ARID1B: variants seen among roughly 807,000 people sequenced by gnomAD.
The protein encoded by ARID1B is AT-rich interaction domain 1B, also known as AT-rich interactive domain-containing protein 1B.
Under a neutral mutation model 212.3 loss-of-function variants are expected in ARID1B, and 30 were observed. That is an observed-to-expected ratio of 0.14 (90% CI 0.11 to 0.19). The LOEUF (loss-of-function observed/expected upper bound fraction) is 0.19, where lower values mean the gene tolerates loss of function less well. ARID1B is among the 10% of genes least tolerant of loss of function. ARID1B has a pLI of 1.00. For synonymous variants in ARID1B, 1,402 were observed against 1,301.7 expected, an observed-to-expected ratio of 1.08 and a Z score of -1.66; for missense variants, 2,891 against 3,204.0, an observed-to-expected ratio of 0.90 and a Z score of 2.36.
chr6:156,813,075 C>T (rs185958187), intron 1 of ARID1B, among the ~76,000 whole-genome samples: 95 of 132,376 alleles, frequency 7.2e-4, no homozygotes, highest in Middle Eastern at 4.1e-3. Flanking sequence ...TATATATACA[C>T]ACATACGTAT....
intron 4 of ARID1B, among the ~76,000 whole-genome samples, chr6:157,065,443 C>T (rs554767196): frequency 5.7e-4 from 86 of 152,056 alleles, no homozygotes; most frequent in Non-Finnish European, 1.0e-3. Context: ...ATTAAAAAAC[C>T]GTCTCTAATT....
intron 7 of ARID1B, among the ~76,000 whole-genome samples, chr6:157,143,111 G>T (rs1413385851): frequency 1.3e-5 from 2 of 152,162 alleles, no homozygotes; most frequent in Non-Finnish European, 2.9e-5. Context: ...GGAACTCCTG[G>T]TGGGTAGAAA....
chr6:156,855,015 C>G (rs755655252), intron 2 of ARID1B, among the ~76,000 whole-genome samples: 2 of 152,002 alleles, frequency 1.3e-5, no homozygotes, highest in Admixed American at 6.6e-5. Context: ...ACTATGAGTT[C>G]GGGGCAGTTG....
intron 1 of ARID1B, among the ~76,000 whole-genome samples, chr6:156,813,731 G>A (rs1476463959): frequency 1.3e-5 from 2 of 152,208 alleles, no homozygotes; most frequent in African/African-American, 4.8e-5. Context: ...CACTTAAGGA[G>A]TGACCCTAGA....
intron 2 of ARID1B, among the ~76,000 whole-genome samples, chr6:156,869,554 A>C (rs567971850): frequency 2.6e-5 from 4 of 152,372 alleles, no homozygotes; most frequent in African/African-American, 9.6e-5. Flanking sequence ...GTTTTCAGGA[A>C]GTCTCAGTGA....
chr6:157,071,850 TG>T (rs1784024682), intron 4 of ARID1B: 1 of 152,236 alleles, frequency 6.6e-6, no homozygotes, highest in African/African-American at 2.4e-5. Flanking sequence ...GTTGTTAGAC[TG>T]GGGCTGTTAT....
intron 3 of ARID1B, among the ~76,000 whole-genome samples, chr6:156,904,623 C>A (rs535574015): frequency 1.3e-5 from 2 of 152,246 alleles, no homozygotes; most frequent in South Asian, 4.1e-4. Context: ...AGTAGCATGG[C>A]TTTACAAAGC....
intron 5 of ARID1B, among the ~76,000 whole-genome samples, chr6:157,097,562 A>G (rs1036734581): frequency 6.6e-6 from 1 of 152,186 alleles, no homozygotes; most frequent in African/African-American, 2.4e-5. Flanking sequence ...CTCATAGCCA[A>G]CCACCCATGT....
intron 1 of ARID1B, among the ~76,000 whole-genome samples, chr6:156,786,261 C>G (rs1030855632): frequency 5.3e-5 from 8 of 152,064 alleles, no homozygotes; most frequent in African/African-American, 1.9e-4. Flanking sequence ...AGAGCAAACC[C>G]AGAGTCTAGG....
intron 7 of ARID1B, among the ~76,000 whole-genome samples, chr6:157,143,980 T>G (rs1019874917): frequency 6.6e-6 from 1 of 152,250 alleles, no homozygotes; most frequent in African/African-American, 2.4e-5. Flanking sequence ...CACGCGTGTC[T>G]TGGTGTGCAT....
intron 2 of ARID1B, among the ~76,000 whole-genome samples, chr6:156,857,304 AAG>A (rs950850879): frequency 6.6e-6 from 1 of 152,208 alleles, no homozygotes; most frequent in African/African-American, 2.4e-5. Flanking sequence ...CCGCAATTTC[AAG>A]AGAGTGTCAG....
chr6:156,999,189 A>G (rs1778775291), intron 4 of ARID1B, among the ~76,000 whole-genome samples: 2 of 152,172 alleles, frequency 1.3e-5, no homozygotes, highest in South Asian at 4.1e-4. Context: ...CAGTGTAGGA[A>G]TTTACTGTAA....
intron 4 of ARID1B, chr6:156,937,162 G>A (rs922937305): frequency 6.6e-6 from 1 of 151,930 alleles, no homozygotes; most frequent in African/African-American, 2.4e-5. Context: ...TAAACTTTCT[G>A]TAGCAGATAG....
chr6:157,051,087 A>G (rs1167193456), intron 4 of ARID1B, among the ~76,000 whole-genome samples: 2 of 152,210 alleles, frequency 1.3e-5, no homozygotes, highest in Non-Finnish European at 2.9e-5. Context: ...TCGCCCAATT[A>G]TGCTGTGATT....
At chr6:157,143,774 G>T (rs550088509) in intron 7 of ARID1B, among the ~76,000 whole-genome samples, 4 of 152,312 alleles carry the variant, frequency 2.6e-5, no homozygotes, top group East Asian at 3.9e-4. Context: ...GTCCAGGCAC[G>T]TGAGTCTAAT....
At chr6:156,992,492 TG>T (rs1562533707) in intron 4 of ARID1B, among the ~76,000 whole-genome samples, 1 of 152,252 alleles carries the variant, frequency 6.6e-6, no homozygotes, top group Non-Finnish European at 1.5e-5. Context: ...CTAAGATATG[TG>T]TTTTCAGTGT....
At chr6:156,854,623 A>C (rs1487430428) in intron 2 of ARID1B, among the ~76,000 whole-genome samples, 1 of 152,248 alleles carries the variant, frequency 6.6e-6, no homozygotes, top group Non-Finnish European at 1.5e-5. Context: ...CACAGTGCTT[A>C]CAGCCTGCTG....
intron 1 of ARID1B, among the ~76,000 whole-genome samples, chr6:156,783,593 A>G (rs1159057778): frequency 1.3e-5 from 2 of 152,204 alleles, no homozygotes; most frequent in Non-Finnish European, 2.9e-5. Context: ...TCCTAGGATA[A>G]ATTCCAATAT....
chr6:157,023,446 G>C (rs1780454594), intron 4 of ARID1B: 1 of 152,150 alleles, frequency 6.6e-6, no homozygotes, highest in Non-Finnish European at 1.5e-5. Flanking sequence ...GAAGGGATAT[G>C]TACAATTAAA....
Sources: allele counts gnomAD v4.1 joint callset (sites outside exome capture counted in the v4.1 genomes callset), GRCh38; gene constraint gnomAD v4.1.1; transcripts MANE v1.5; gene names NCBI Gene and HGNC (gene_info 2026-07-23, HGNC 2026-07-21).